The following CSMD2 variants were observed in gnomAD, a reference collection of about 807,000 sequenced individuals.
The protein encoded by CSMD2 is CUB and sushi domain-containing protein 2.
CSMD2 carries 130 observed loss-of-function variants against 398.5 expected under a neutral mutation model. That is an observed-to-expected ratio of 0.33 (90% CI 0.28 to 0.38). The LOEUF is 0.38. CSMD2 is among the 10% of genes least tolerant of loss of function. The pLI, the probability that CSMD2 is intolerant of heterozygous loss-of-function variation, is 1.00. For synonymous variants in CSMD2, 1,828 were observed against 1,908.5 expected (o/e 0.96, Z 1.10); for missense variants, 3,829 against 4,764.9 (o/e 0.80, Z 5.78).
At chr1:33,798,734 G>A (rs1442912356) in intron 10 of CSMD2, among the ~76,000 whole-genome samples, 1 of 152,208 alleles carries the variant, frequency 6.6e-6, no homozygotes, top group Non-Finnish European at 1.5e-5. Context: ...AGAGCATGAG[G>A]AGAAATTAGG....
intron 25 of CSMD2, among the ~76,000 whole-genome samples, chr1:33,672,253 A>T (rs1002751633): frequency 2.0e-5 from 3 of 152,202 alleles, no homozygotes; most frequent in Non-Finnish European, 4.4e-5. Context: ...CACCTGGAAA[A>T]TCGGGTCACT....
chr1:33,948,785 A>G (rs116630722), intron 3 of CSMD2, among the ~76,000 whole-genome samples: 1,648 of 152,312 alleles, frequency 0.011, 35 homozygotes, highest in African/African-American at 0.036. Context: ...TTTCCCAGAC[A>G]CAGTACAGAA....
chr1:33,909,707 T>C (rs1431062759), intron 5 of CSMD2, among the ~76,000 whole-genome samples: 1 of 152,204 alleles, frequency 6.6e-6, no homozygotes, highest in African/African-American at 2.4e-5. Flanking sequence ...GTGCTCATTG[T>C]GAAGATGACC....
chr1:33,756,701 G>A (rs967573312), intron 13 of CSMD2, among the ~76,000 whole-genome samples: 4 of 152,134 alleles, frequency 2.6e-5, no homozygotes, highest in Non-Finnish European at 5.9e-5. Context: ...GGATGACAAG[G>A]TCTTCTAAAA....
In CSMD2 at chr1:33,633,580, G is replaced by T. The variant is rs200254611; in HGVS notation, c.5087-45C>A. The T allele has an allele frequency of 2.1e-6, 3 of 1,423,950 alleles. No individual in the cohort carries two copies. The East Asian group carries it at 7.4e-5, about 35-fold the overall frequency. The allele number at this position is 1,423,950 out of a possible 1,614,324, so 88.2% of individuals were successfully genotyped here. ...TGGGGACTGGGCAGGCACGCTGGGGGCAGGAGAGGGGATCTAGGGGTCTAG... is the reference window on the plus strand; with the variant it reads ...TGGGGACTGGGCAGGCACGCTGGGGTCAGGAGAGGGGATCTAGGGGTCTAG... On this transcript the variant is annotated intron_variant, in intron 31 of 70. Coordinates refer to ENST00000373381, the MANE Select transcript of CSMD2 (RefSeq NM_001281956.2). The surrounding 1 kb of genome is among the most constrained non-coding windows in gnomAD (Gnocchi z 5.0).
intron 52 of CSMD2, 135 bp downstream of exon 52, chr1:33,569,239 A>T (rs1040274910): frequency 5.0e-5 from 44 of 887,444 alleles, no homozygotes; most frequent in Non-Finnish European, 6.9e-5. Flanking sequence ...GATGGCCAAT[A>T]GTTGGTGTTT....
chr1:33,857,320 CGTCCACCTG>C (rs1639171140), intron 5 of CSMD2, among the ~76,000 whole-genome samples: 1 of 152,148 alleles, frequency 6.6e-6, no homozygotes, highest in Admixed American at 6.5e-5. Flanking sequence ...TGCTTGCTGC[CGTCCACCTG>C]GATTAATGCC....
chr1:33,602,121 C>T (rs758178109), intron 43 of CSMD2, among the ~76,000 whole-genome samples: 4 of 152,354 alleles, frequency 2.6e-5, no homozygotes, highest in Admixed American at 2.6e-4. Flanking sequence ...TGGTACTTTC[C>T]CTGGCCCTGG....
chr1:34,106,096 T>A (rs948195915), intron 1 of CSMD2, among the ~76,000 whole-genome samples: 2 of 151,886 alleles, frequency 1.3e-5, no homozygotes, highest in South Asian at 2.1e-4. Flanking sequence ...TAATGGGCAG[T>A]AGGGAGTTGG....
chr1:33,772,929 C>T (rs958136591), intron 12 of CSMD2, among the ~76,000 whole-genome samples, 178 bp from the exon 13 acceptor site: 2 of 152,182 alleles, frequency 1.3e-5, no homozygotes, highest in Non-Finnish European at 1.5e-5. Flanking sequence ...CTGCAATGTC[C>T]TGTTTCATCG....
At chr1:33,789,401 G>T (rs533688639) in intron 11 of CSMD2, among the ~76,000 whole-genome samples, 2 of 152,322 alleles carry the variant, frequency 1.3e-5, no homozygotes, top group African/African-American at 2.4e-5. Context: ...TGGCCCTGTT[G>T]CCAGGAAGGT....
intron 44 of CSMD2, among the ~76,000 whole-genome samples, chr1:33,594,855 TA>T (rs1400641714): frequency 2.6e-5 from 4 of 152,206 alleles, no homozygotes; most frequent in Non-Finnish European, 5.9e-5. Flanking sequence ...CCCTTGGAAA[TA>T]AAAGTTTTAA....
At chr1:34,043,337 C>T (rs1323375914) in intron 2 of CSMD2, among the ~76,000 whole-genome samples, 1 of 152,144 alleles carries the variant, frequency 6.6e-6, no homozygotes. Flanking sequence ...CCTTACCTTC[C>T]CCCCAACCCT....
intron 1 of CSMD2, among the ~76,000 whole-genome samples, chr1:34,131,795 C>A (rs972268674): frequency 1.3e-5 from 2 of 152,170 alleles, no homozygotes; most frequent in African/African-American, 4.8e-5. Context: ...TCTTCTGCCT[C>A]CCATCCAGTG....
At chr1:34,153,766 C>T (rs537064986) in intron 1 of CSMD2, among the ~76,000 whole-genome samples, 2 of 152,308 alleles carry the variant, frequency 1.3e-5, no homozygotes, top group East Asian at 3.9e-4. Flanking sequence ...TTCTAGAACT[C>T]CTCAGAGCCC....
chr1:33,567,475 A>T (rs1659151087), intron 53 of CSMD2, 118 bp downstream of exon 53: 1 of 542,416 alleles, frequency 1.8e-6, no homozygotes, highest in Non-Finnish European at 2.8e-6. Flanking sequence ...AAAAAATAGC[A>T]ATCATATATA....
At chr1:33,811,545 G>C (rs543506034) in intron 9 of CSMD2, among the ~76,000 whole-genome samples, 4 of 152,042 alleles carry the variant, frequency 2.6e-5, no homozygotes, top group South Asian at 2.1e-4. Flanking sequence ...TCCCAAATCC[G>C]TCTCCACACT....
intron 1 of CSMD2, among the ~76,000 whole-genome samples, chr1:34,130,389 CA>C (rs60733725): frequency 0.01 from 613 of 58,480 alleles, no homozygotes; most frequent in East Asian, 0.041. Context: ...TGTCTGGAGG[CA>C]AAAAAAAAAA....
chr1:33,613,464 G>A (rs1641180494), intron 40 of CSMD2, among the ~76,000 whole-genome samples: 1 of 152,124 alleles, frequency 6.6e-6, no homozygotes, highest in Non-Finnish European at 1.5e-5. Context: ...TCAGAAGATG[G>A]TACTGAACAC....
Sources: gnomAD v4.1 joint callset for allele counts (sites outside exome capture counted in the v4.1 genomes callset) on GRCh38, gnomAD v4.1.1 for gene constraint, Gnocchi (gnomAD v3.1) non-coding constraint, MANE v1.5 for transcripts, NCBI Gene and HGNC (gene_info 2026-07-23, HGNC 2026-07-21) for gene names.